Variants in COG6 observed in about 807,000 individuals in gnomAD.
COG6 encodes the protein conserved oligomeric Golgi complex subunit 6.
A neutral mutation model predicts 88.8 loss-of-function variants in COG6; 74 were observed. The ratio of observed to expected loss-of-function variants is 0.83; its 90% CI spans 0.69 to 1.01. The LOEUF (loss-of-function observed/expected upper bound fraction) is 1.01, where lower values mean the gene tolerates loss of function less well. Ranked by LOEUF, COG6 falls within the 50% of genes least tolerant of loss-of-function variation. COG6 has a pLI of 0.00. For synonymous variants in COG6, 286 were observed against 278.7 expected (o/e 1.03, Z -0.26); for missense variants, 800 against 797.9 (o/e 1.00, Z -0.03).
chr13:39,716,115 A>G (rs1878517066), intron 13 of COG6, among the ~76,000 whole-genome samples: 1 of 152,048 alleles, frequency 6.6e-6, no homozygotes, highest in African/African-American at 2.4e-5. Context: ...CTCTTCACCC[A>G]AGAAATATTT....
chr13:39,696,523 C>G (rs1031616201), intron 12 of COG6, among the ~76,000 whole-genome samples: 2 of 151,524 alleles, frequency 1.3e-5, no homozygotes, highest in African/African-American at 4.8e-5. Flanking sequence ...AGAAGAGTGT[C>G]CAGGACAAAA....
chr13:39,679,654 T>C (rs766171279), intron 6 of COG6, 34 bp downstream of exon 6: 2 of 1,315,802 alleles, frequency 1.5e-6, no homozygotes, highest in Non-Finnish European at 2.2e-6. Context: ...ATTGCATTGC[T>C]GCTTATGTTT....
chr13:39,687,735 C>A lies in COG6; in HGVS notation c.945C>A (p.Leu315=), dbSNP rs1344467194. Residue 315 remains leucine, a synonymous_variant, in exon 10 of 19, where the codon CTC becomes CTA. Coordinates refer to ENST00000455146, the MANE Select transcript of COG6 (RefSeq NM_020751.3). ...ATGTAGGAGATATGTTGGCTTGGCTCCATCAAGCTACTGCTTCTGAAAAGG... is the reference window on the plus strand; with the variant it reads ...ATGTAGGAGATATGTTGGCTTGGCTACATCAAGCTACTGCTTCTGAAAAGG... ...LRYVGDMLAW[L]HQATASEKEH... The A allele has an allele frequency of 1.2e-6, 2 of 1,613,874 alleles. No individual in the cohort carries two copies. Among genetic ancestry groups the A allele is most frequent in the African/African-American group, 2.7e-5 (2 of 74,894 alleles).
In COG6 at chr13:39,687,485, A is replaced by G. The variant is rs776520270; in HGVS notation, c.789-18A>G. 1.2e-6 allele frequency: 2 copies of G among 1,609,748 alleles called. No individual in the cohort carries two copies. Among genetic ancestry groups the G allele is most frequent in the East Asian group, 2.2e-5 (1 of 44,848 alleles). Reference sequence around the variant, plus strand: ...AGAAACAACCCCAACCATTTTTTATATAACTTGTTTCTTCTAGATATACCT... The same window carrying G: ...AGAAACAACCCCAACCATTTTTTATGTAACTTGTTTCTTCTAGATATACCT... On this transcript the variant is annotated intron_variant, in intron 8 of 18. Coordinates refer to ENST00000455146, the MANE Select transcript of COG6 (RefSeq NM_020751.3).
chr13:39,700,503 T>G (rs1238546018), intron 13 of COG6, among the ~76,000 whole-genome samples: 3 of 151,930 alleles, frequency 2.0e-5, no homozygotes, highest in African/African-American at 7.2e-5. Context: ...TTTTCTTGCC[T>G]TGTGTATTTC....
In COG6 at chr13:39,767,559, A is replaced by G. The variant is rs1881202349; in HGVS notation, c.1827-20776A>G. On this transcript the variant is annotated intron_variant, in intron 18 of 18. Transcript: ENST00000416691. ...TGTAGTTTATGTACCACATGTTAGC[A>G]AAGAAGGGCGTTCTCTCTGTGTGTG... 2.0e-5 allele frequency among the ~76,000 whole-genome samples: 3 copies of G among 152,196 alleles called. No individual in the cohort carries two copies. The South Asian group carries it at 6.2e-4, about 32-fold the overall frequency.
At chr13:39,695,877 T>C (rs553715012) in intron 12 of COG6, among the ~76,000 whole-genome samples, 1 of 151,982 alleles carries the variant, frequency 6.6e-6, no homozygotes, top group Non-Finnish European at 1.5e-5. Flanking sequence ...AAGAGAATGA[T>C]AAATACTTAG....
chr13:39,699,750 A>G (rs1877471925), intron 13 of COG6, 132 bp downstream of exon 13: 1 of 633,460 alleles, frequency 1.6e-6, no homozygotes, highest in Non-Finnish European at 2.9e-6. Flanking sequence ...GTCACCAACA[A>G]CTTTCATTTT....
intron 18 of COG6, among the ~76,000 whole-genome samples, chr13:39,776,310 GT>G (rs776899660): frequency 3.4e-4 from 51 of 152,118 alleles, no homozygotes; most frequent in Non-Finnish European, 6.8e-4. Flanking sequence ...TTTTAAGGAA[GT>G]TTATTCTGAC....
chr13:39,774,270 T>C (rs1257812347), intron 18 of COG6, among the ~76,000 whole-genome samples: 2 of 152,220 alleles, frequency 1.3e-5, no homozygotes, highest in Admixed American at 6.5e-5. Context: ...TTTTTGCCAG[T>C]GAAAAATCAT....
In COG6 at chr13:39,687,646, C is replaced by T. The variant is rs1268805118; in HGVS notation, c.917+15C>T. The T allele has an allele frequency of 9.9e-6, 16 of 1,613,862 alleles. No individual in the cohort carries two copies. The highest frequency in any genetic ancestry group is 1.3e-5 in the Non-Finnish European group (15 of 1,179,972). On this transcript the variant is annotated intron_variant, in intron 9 of 18. Coordinates refer to ENST00000455146, the MANE Select transcript of COG6 (RefSeq NM_020751.3). ...GACCCTTTGAGGTATAGTAATCAGA[C>T]AGCAGAAGAGGAGTTGATGTTTTTC...
chr13:39,700,407 G>A (rs927209560), intron 13 of COG6, among the ~76,000 whole-genome samples: 1 of 151,758 alleles, frequency 6.6e-6, no homozygotes, highest in Non-Finnish European at 1.5e-5. Flanking sequence ...AGCCTTAATA[G>A]GAGTCTACTT....
At chr13:39,695,019 G>A (rs1436033255) in intron 12 of COG6, among the ~76,000 whole-genome samples, 1 of 148,300 alleles carries the variant, frequency 6.7e-6, no homozygotes, top group Non-Finnish European at 1.5e-5. Context: ...AGTCTATAAT[G>A]TAAGTCTTTA....
In COG6 at chr13:39,771,785, CT is replaced by C. The variant is rs1450302715; in HGVS notation, c.1827-16548del. ...TGGTTATTAAAAATGACCACGGGCC[CT>C]TCTCATCTCATCCCCCTGCCTGATT... On this transcript the variant is annotated intron_variant, in intron 18 of 18. Coordinates refer to the COG6 transcript ENST00000416691. 2.0e-5 allele frequency among the ~76,000 whole-genome samples: 3 copies of C among 152,352 alleles called. No homozygotes were observed. The East Asian group carries it at 5.8e-4, about 29-fold the overall frequency.
intron 13 of COG6, among the ~76,000 whole-genome samples, chr13:39,717,869 AAAAC>A (rs1164209712): frequency 6.6e-6 from 1 of 152,224 alleles, no homozygotes; most frequent in East Asian, 1.9e-4. Context: ...ACAAAAAACA[AAAAC>A]AAAAACAAAA....
intron 18 of COG6, among the ~76,000 whole-genome samples, chr13:39,774,614 A>G (rs1470610697): frequency 2.0e-5 from 3 of 151,618 alleles, no homozygotes; most frequent in Non-Finnish European, 2.9e-5. Flanking sequence ...TCGCTCTGTC[A>G]CGCAGGCTGG....
intron 16 of COG6, among the ~76,000 whole-genome samples, 189 bp from the exon 17 acceptor site, chr13:39,724,319 C>T (rs182386326): frequency 7.0e-4 from 106 of 152,056 alleles, no homozygotes; most frequent in Middle Eastern, 3.4e-3. Flanking sequence ...ACGTCTTGCT[C>T]TCTCCAACAA....
At chr13:39,768,345 C>G (rs1360464617) in intron 18 of COG6, among the ~76,000 whole-genome samples, 3 of 152,232 alleles carry the variant, frequency 2.0e-5, no homozygotes, top group Admixed American at 6.5e-5. Flanking sequence ...CCTACTGCCA[C>G]TCCACAGGTG....
rs1362444822 is a variant in COG6 at position 39,692,624 on chromosome 13, A to T, written c.1075-2010A>T. ...CCTCCCTTCTTCCTGTGTCCCCTTC[A>T]TGAACACAAACCCACTCTCTTTCTC... On this transcript the variant is annotated intron_variant, in intron 11 of 18. Transcript: ENST00000455146. 2.0e-5 allele frequency among the ~76,000 whole-genome samples: 3 copies of T among 152,052 alleles called. No individual in the cohort carries two copies. In the South Asian group the frequency reaches 6.2e-4, roughly 32 times the overall value.
Sources: allele counts gnomAD v4.1 joint callset (sites outside exome capture counted in the v4.1 genomes callset), GRCh38; gene constraint gnomAD v4.1.1; transcripts MANE v1.5; gene names NCBI Gene and HGNC (gene_info 2026-07-23, HGNC 2026-07-21).